ASCC3: variants seen among roughly 807,000 people sequenced by gnomAD.
ASCC3 encodes the protein activating signal cointegrator 1 complex subunit 3.
ASCC3 carries 158 observed loss-of-function variants against 256.3 expected under a neutral mutation model. The observed-to-expected ratio is 0.62, with a 90% CI of 0.54 to 0.70. The LOEUF is 0.70. ASCC3 is among the 30% of genes least tolerant of loss of function. The probability of loss-of-function intolerance (pLI) is 0.00; values close to 1 mark genes in which losing one functional copy is unlikely to be tolerated. For synonymous variants in ASCC3, 948 were observed against 883.4 expected, an observed-to-expected ratio of 1.07 and a Z score of -1.30; for missense variants, 2,259 against 2,626.0, an observed-to-expected ratio of 0.86 and a Z score of 3.05.
intron 14 of ASCC3, among the ~76,000 whole-genome samples, chr6:100,671,107 T>C (rs947749580): frequency 1.1e-4 from 17 of 152,004 alleles, no homozygotes; most frequent in African/African-American, 4.1e-4. Flanking sequence ...TTAAAACATA[T>C]ACCCATGCAC....
chr6:100,645,880 T>C lies in ASCC3; in HGVS notation c.3633+735A>G, dbSNP rs546960687. Among the ~76,000 whole-genome samples the C allele has an allele frequency of 2.0e-5, 3 of 152,114 alleles. No homozygotes were observed. The East Asian group carries it at 5.8e-4, about 29-fold the overall frequency. Reference sequence around the variant, plus strand: ...AAGTAAAGAAAATAACTGAGAAAAATCTATTTATTATGGCAACCCATCAGT... The same window carrying C: ...AAGTAAAGAAAATAACTGAGAAAAACCTATTTATTATGGCAACCCATCAGT... On this transcript the variant is annotated intron_variant, in intron 22 of 41. Coordinates refer to ENST00000369162, the MANE Select transcript of ASCC3 (RefSeq NM_006828.4).
At chr6:100,800,580 C>T in intron 5 of ASCC3, 76 bp from the exon 6 acceptor site, 2 of 1,130,502 alleles carry the variant, frequency 1.8e-6, no homozygotes, top group Non-Finnish European at 2.6e-6. Flanking sequence ...CCATTTCTTT[C>T]CTCCACCCCA....
intron 11 of ASCC3, among the ~76,000 whole-genome samples, chr6:100,723,731 T>C (rs1461072363): frequency 6.6e-6 from 1 of 150,914 alleles, no homozygotes; most frequent in Non-Finnish European, 1.5e-5. Context: ...AAGTAGATTA[T>C]GATATCGTAT....
intron 4 of ASCC3, among the ~76,000 whole-genome samples, chr6:100,831,725 A>AT (rs1771628447): frequency 6.6e-6 from 1 of 152,212 alleles, no homozygotes; most frequent in Admixed American, 6.5e-5. Context: ...ATTCTGAACC[A>AT]TAAGAAATAT....
At chr6:100,656,486 T>C (rs1448557915) in intron 16 of ASCC3, among the ~76,000 whole-genome samples, 1 of 151,640 alleles carries the variant, frequency 6.6e-6, no homozygotes, top group Non-Finnish European at 1.5e-5. Flanking sequence ...TCAGTAAACT[T>C]AACCTATGGA....
chr6:100,690,884 T>C (rs982638380), intron 13 of ASCC3, among the ~76,000 whole-genome samples: 2 of 152,100 alleles, frequency 1.3e-5, no homozygotes, highest in Non-Finnish European at 2.9e-5. Context: ...AAGTGATAAA[T>C]AGTTTCAGGT....
chr6:100,868,255 A>T (rs1773572811), intron 1 of ASCC3, among the ~76,000 whole-genome samples: 2 of 152,236 alleles, frequency 1.3e-5, no homozygotes, highest in African/African-American at 4.8e-5. Flanking sequence ...AGAAACAAAC[A>T]TTTCCTCAAA....
At chr6:100,563,959 CTTAGG>C (rs1476679809) in intron 36 of ASCC3, among the ~76,000 whole-genome samples, 2 of 151,788 alleles carry the variant, frequency 1.3e-5, no homozygotes, top group African/African-American at 4.8e-5. Flanking sequence ...GAGCATGGAT[CTTAGG>C]TTAAGTGACT....
chr6:100,761,485 C>A lies in ASCC3; in HGVS notation c.1737+5080G>T, dbSNP rs9498331. On this transcript the variant is annotated intron_variant, in intron 10 of 41. Coordinates refer to ENST00000369162, the MANE Select transcript of ASCC3 (RefSeq NM_006828.4). ...CCTTGGTGACAGAGTGAGACCTTTTCTCTAAAAAATAAAAATATAAAAAAC... is the reference window on the plus strand; with the variant it reads ...CCTTGGTGACAGAGTGAGACCTTTTATCTAAAAAATAAAAATATAAAAAAC... Among the ~76,000 whole-genome samples, 735 of 152,230 alleles carry A rather than the reference C, an allele frequency of 4.8e-3. 9 individuals are homozygous for A. The highest frequency in any genetic ancestry group is 0.017 in the African/African-American group (712 of 41,556).
chr6:100,748,645 C>T lies in ASCC3; in HGVS notation c.1737+17920G>A, dbSNP rs79639978. Among the ~76,000 whole-genome samples the T allele has an allele frequency of 6.3e-3, 959 of 151,998 alleles. 14 individuals carry two copies. The highest frequency in any genetic ancestry group is 0.022 in the African/African-American group (906 of 41,516). On this transcript the variant is annotated intron_variant, in intron 10 of 41. Coordinates refer to ENST00000369162, the MANE Select transcript of ASCC3 (RefSeq NM_006828.4). ...CACCACATCTTTCACACAATGTATT[C>T]GCCTGCTCAATATTCCTTTAAAATA...
intron 8 of ASCC3, among the ~76,000 whole-genome samples, chr6:100,798,489 CAT>C (rs952600896): frequency 3.0e-4 from 46 of 151,822 alleles, no homozygotes; most frequent in African/African-American, 1.1e-3. Context: ...AAACATGAAA[CAT>C]AGAAATATAT....
At chr6:100,606,003 G>A (rs932455002) in intron 32 of ASCC3, among the ~76,000 whole-genome samples, 2 of 151,774 alleles carry the variant, frequency 1.3e-5, no homozygotes, top group Non-Finnish European at 2.9e-5. Flanking sequence ...TTAAAATGCT[G>A]TTTAATAGAT....
intron 39 of ASCC3, among the ~76,000 whole-genome samples, chr6:100,513,916 T>A (rs1478013155): frequency 6.6e-6 from 1 of 152,070 alleles, no homozygotes; most frequent in Admixed American, 6.6e-5. Flanking sequence ...TTGGCTTTTT[T>A]TTTTTTAATC....
In ASCC3 at chr6:100,530,425, T is replaced by C. The variant is rs190301001; in HGVS notation, c.5775+9738A>G. The C allele has an allele frequency of 8.8e-5, 78 of 884,322 alleles. No individual in the cohort carries two copies. In the Middle Eastern group the frequency reaches 1.4e-3, roughly 16 times the overall value. 54.8% of individuals were successfully genotyped at this position (884,322 alleles called of 1,614,324 possible). A position where few individuals can be genotyped will look rare whatever the true frequency, so the allele number is the denominator to read the frequency against. On this transcript the variant is annotated intron_variant, in intron 37 of 41. Coordinates refer to ENST00000369162, the MANE Select transcript of ASCC3 (RefSeq NM_006828.4). ...GATAATTTTTTCCAAAATCCTGAACTTTATATATGAGAGAGTGTAAAAGGA... is the reference window on the plus strand; with the variant it reads ...GATAATTTTTTCCAAAATCCTGAACCTTATATATGAGAGAGTGTAAAAGGA...
intron 3 of ASCC3, chr6:100,858,396 C>T (rs972006298): frequency 1.7e-4 from 46 of 271,726 alleles, no homozygotes; most frequent in Non-Finnish European, 2.1e-4. Context: ...TGTCTAATTC[C>T]GTACCTCAGG....
intron 10 of ASCC3, 72 bp downstream of exon 10, chr6:100,766,493 G>T: frequency 7.1e-7 from 1 of 1,416,674 alleles, no homozygotes; most frequent in Non-Finnish European, 9.9e-7. Flanking sequence ...TTAAGATATA[G>T]TCATTTAATA....
chr6:100,770,868 A>G lies in ASCC3; in HGVS notation c.1396-3523T>C, dbSNP rs1781887389. Among the ~76,000 whole-genome samples, 3 of 148,122 alleles carry G rather than the reference A, an allele frequency of 2.0e-5. No homozygotes were observed. The South Asian group carries it at 6.3e-4, about 31-fold the overall frequency. Reference sequence around the variant, plus strand: ...TTTTTTTTTTTTTTTTCCCAAACTCATCTACAGATTCAATGCAATTCCAAT... The same window carrying G: ...TTTTTTTTTTTTTTTTCCCAAACTCGTCTACAGATTCAATGCAATTCCAAT... On this transcript the variant is annotated intron_variant, in intron 8 of 41. Coordinates refer to ENST00000369162, the MANE Select transcript of ASCC3 (RefSeq NM_006828.4).
chr6:100,614,449 T>C (rs1773558600), intron 30 of ASCC3, among the ~76,000 whole-genome samples: 1 of 152,216 alleles, frequency 6.6e-6, no homozygotes, highest in Non-Finnish European at 1.5e-5. Flanking sequence ...CATTTAACTA[T>C]GTTTCGGTAT....
Position 100,551,435 on chromosome 6 carries a change from A to AT in ASCC3, c.5551-11049dup, listed in dbSNP as rs542008911. ...ATTGAATTGAAAGACAATCAAAATG[A>AT]TTTTTTTAAAAGAAAAAGGAAGGAG... On this transcript the variant is annotated intron_variant, in intron 36 of 41. Coordinates refer to ENST00000369162, the MANE Select transcript of ASCC3 (RefSeq NM_006828.4). 3.6e-3 allele frequency among the ~76,000 whole-genome samples: 548 copies of AT among 152,056 alleles called. 1 individual carries two copies. The highest frequency in any genetic ancestry group is 6.1e-3 in the Non-Finnish European group (412 of 67,870).
Sources: gnomAD v4.1 joint callset for allele counts (sites outside exome capture counted in the v4.1 genomes callset) on GRCh38, gnomAD v4.1.1 for gene constraint, MANE v1.5 for transcripts, NCBI Gene and HGNC (gene_info 2026-07-23, HGNC 2026-07-21) for gene names.